Variants in TM9SF3 observed in about 807,000 individuals in gnomAD.
TM9SF3 encodes SM-11044-binding protein.
TM9SF3 carries 14 observed loss-of-function variants against 78.6 expected under a neutral mutation model. The ratio of observed to expected loss-of-function variants is 0.18; its 90% CI spans 0.12 to 0.28. The LOEUF (loss-of-function observed/expected upper bound fraction) is 0.28. Among genes scored for constraint, TM9SF3 ranks in the 10% least tolerant of loss-of-function variants. The pLI, the probability that TM9SF3 is intolerant of heterozygous loss-of-function variation, is 1.00. For synonymous variants in TM9SF3, 231 were observed against 241.7 expected, an observed-to-expected ratio of 0.96 and a Z score of 0.41; for missense variants, 496 against 721.9, an observed-to-expected ratio of 0.69 and a Z score of 3.59.
At chr10:96,553,150 G>T in intron 5 of TM9SF3, 91 bp from the exon 6 acceptor site, 3 of 1,110,668 alleles carry the variant, frequency 2.7e-6, no homozygotes, top group Non-Finnish European at 2.4e-6. Context: ...TTAATGCAAA[G>T]AAAAAAAAAA....
intron 1 of TM9SF3, 30 bp downstream of exon 1, chr10:96,586,704 G>T: frequency 1.6e-6 from 2 of 1,220,208 alleles, no homozygotes; most frequent in South Asian, 3.8e-5. Flanking sequence ...GAGCTAGCCC[G>T]GGGCGGCCGC....
rs1190523838 is a variant in TM9SF3 at position 96,575,570 on chromosome 10, CATT to C, written c.298+1061_298+1063del. Among the ~76,000 whole-genome samples, 2 of 151,988 alleles carry C rather than the reference CATT, an allele frequency of 1.3e-5. 1 individual carries two copies. The highest frequency in any genetic ancestry group is 6.3e-3 in the Middle Eastern group (2 of 316). On this transcript the variant is annotated intron_variant, in intron 2 of 14. Transcript: ENST00000371142. Reference sequence around the variant, plus strand: ...ATTTAACAAATCGAAATTAAAGTAACATTATCTTTAAAATCTCACTGACATTCT... The same window carrying C: ...ATTTAACAAATCGAAATTAAAGTAACATCTTTAAAATCTCACTGACATTCT...
intron 2 of TM9SF3, among the ~76,000 whole-genome samples, chr10:96,575,016 T>C (rs1848480927): frequency 6.6e-6 from 1 of 152,158 alleles, no homozygotes; most frequent in South Asian, 2.1e-4. Flanking sequence ...GGCATGTGTA[T>C]TCCTATGTAT....
At chr10:96,566,740 G>T (rs535163497) in intron 2 of TM9SF3, among the ~76,000 whole-genome samples, 1 of 152,156 alleles carries the variant, frequency 6.6e-6, no homozygotes, top group Admixed American at 6.5e-5. Flanking sequence ...GTGAAGCAAC[G>T]GAGGGTTAAA....
intron 1 of TM9SF3, 81 bp downstream of exon 1, chr10:96,586,653 C>T: frequency 8.8e-7 from 1 of 1,139,298 alleles, no homozygotes. Flanking sequence ...GGCCGCCGGG[C>T]ACTCCAGGCT....
intron 2 of TM9SF3, among the ~76,000 whole-genome samples, chr10:96,574,883 T>C (rs1353242134): frequency 6.6e-6 from 1 of 151,892 alleles, no homozygotes; most frequent in African/African-American, 2.4e-5. Flanking sequence ...TGAGAACACA[T>C]GGACACAGGG....
Position 96,527,392 on chromosome 10 carries a change from TA to T in TM9SF3, c.1625+20del, listed in dbSNP as rs756169433. ...CAAATTTAGTTTCCTAAATAAAAGGTAAAAAAATGTCTCCACTTACTTTGTT... is the reference window on the plus strand; with the variant it reads ...CAAATTTAGTTTCCTAAATAAAAGGTAAAAAATGTCTCCACTTACTTTGTT... On this transcript the variant is annotated intron_variant, in intron 13 of 14. Coordinates refer to ENST00000371142, the MANE Select transcript of TM9SF3 (RefSeq NM_020123.4). 1 of 1,598,304 alleles carries T rather than the reference TA, an allele frequency of 6.3e-7. No individual in the cohort carries two copies. The highest frequency in any genetic ancestry group is 8.5e-7 in the Non-Finnish European group (1 of 1,172,366).
rs776596788 is a variant in TM9SF3 at position 96,586,831 on chromosome 10, C to T, written c.5G>A (p.Arg2Lys). 8 of 1,227,428 alleles carry T rather than the reference C, an allele frequency of 6.5e-6. No homozygotes were observed. The East Asian group carries it at 1.7e-4, about 26-fold the overall frequency. 76.0% of individuals were successfully genotyped at this position (1,227,428 alleles called of 1,614,324 possible). A position where few individuals can be genotyped will look rare whatever the true frequency, so the allele number is the denominator to read the frequency against. Residue 2 changes from arginine to lysine, a missense_variant, in exon 1 of 15, where the codon AGG becomes AAG. By Grantham distance (26) the Arg-to-Lys change is conservative. Coordinates refer to ENST00000371142, the MANE Select transcript of TM9SF3 (RefSeq NM_020123.4). M[R>K]PLPGALGVAA... The stretch of plus-strand genomic sequence containing the variant: ...CACGCCAAGAGCGCCAGGCAGCGGC[C>T]TCATCCTCCGCGCCCCTCCGGCCCG...
chr10:96,573,754 C>T (rs1255322472), intron 2 of TM9SF3, among the ~76,000 whole-genome samples: 1 of 151,940 alleles, frequency 6.6e-6, no homozygotes, highest in Non-Finnish European at 1.5e-5. Flanking sequence ...AGAACAGAGC[C>T]CTCAGAAATA....
chr10:96,572,581 C>T (rs1382986310), intron 2 of TM9SF3, among the ~76,000 whole-genome samples: 1 of 148,068 alleles, frequency 6.8e-6, no homozygotes, highest in Non-Finnish European at 1.5e-5. Flanking sequence ...GGCTGGAGTG[C>T]AATGGCGCAA....
chr10:96,521,033 A>G lies in TM9SF3; in HGVS notation c.*1230T>C, dbSNP rs191813017. 2.0e-3 allele frequency: 777 copies of G among 394,168 alleles called. 6 individuals are homozygous for G. The highest frequency in any genetic ancestry group is 4.6e-4 in the Non-Finnish European group (102 of 222,428). 24.4% of individuals were successfully genotyped at this position (394,168 alleles called of 1,614,324 possible). ...ACATTCTAAAGCAATAATGCTTTAG[A>G]TGTTACTTAAGTGTCCCAGACAGGA... On this transcript the variant is annotated 3_prime_UTR_variant, in exon 15 of 15. Transcript: ENST00000371142.
At chr10:96,523,456 T>C (rs535883743) in intron 14 of TM9SF3, among the ~76,000 whole-genome samples, 4 of 151,832 alleles carry the variant, frequency 2.6e-5, no homozygotes, top group Non-Finnish European at 4.4e-5. Context: ...GAAAGGAAGG[T>C]TATCCTTATG....
rs374950948 is a variant in TM9SF3, at chr10:96,561,213, C to T, written c.582+765G>A. Among the ~76,000 whole-genome samples, 29 of 151,796 alleles carry T rather than the reference C, an allele frequency of 1.9e-4. 1 individual carries two copies. Among genetic ancestry groups the T allele is most frequent in the South Asian group, 1.2e-3 (6 of 4,806 alleles). ...CTCTGACCATGTTCTGAATCACCTT[C>T]GTATCTCCTTAGCTGCTCAATAAAT... On this transcript the variant is annotated intron_variant, in intron 4 of 14. Transcript: ENST00000371142.
In TM9SF3 at chr10:96,552,965, T is replaced by A; in HGVS notation, c.755A>T (p.Tyr252Phe). ...TTCTTCCTCTTTACTGTACCGAGCA[T>A]AATCTTTTCTTAATGTTCTCATTAA... ...MILMRTLRKDYARYSKEEEMD... is the reference protein window; with the variant it reads ...MILMRTLRKDFARYSKEEEMD... The change falls in exon 6 of 15, where the codon TAT becomes TTT. Residue 252 changes from tyrosine to phenylalanine, a missense_variant. By Grantham distance (22) the Tyr-to-Phe change is conservative. Transcript: ENST00000371142. 6.2e-7 allele frequency: 1 copy of A among 1,604,938 alleles called. No individual in the cohort carries two copies. Among genetic ancestry groups the A allele is most frequent in the Non-Finnish European group, 8.5e-7 (1 of 1,177,268 alleles).
At chr10:96,575,741 AAAG>A (rs1333094837) in intron 2 of TM9SF3, among the ~76,000 whole-genome samples, 1 of 151,996 alleles carries the variant, frequency 6.6e-6, no homozygotes, top group African/African-American at 2.4e-5. Context: ...AAAAAAAAAA[AAAG>A]GAGGATTAAA....
chr10:96,525,113 ACT>A (rs1169336702), intron 14 of TM9SF3, among the ~76,000 whole-genome samples: 4 of 152,048 alleles, frequency 2.6e-5, no homozygotes, highest in Non-Finnish European at 4.4e-5. Context: ...AATTTTTTTA[ACT>A]CTCTGCATAA....
chr10:96,556,371 T>C (rs2134146928), intron 5 of TM9SF3, among the ~76,000 whole-genome samples: 1 of 152,348 alleles, frequency 6.6e-6, no homozygotes, highest in East Asian at 1.9e-4. Flanking sequence ...CAAGGTACTA[T>C]AATCCTTGCT....
In TM9SF3 at chr10:96,541,360, T is replaced by C. The variant is rs1035724963; in HGVS notation, c.1185+2716A>G. 2.6e-5 allele frequency among the ~76,000 whole-genome samples: 4 copies of C among 152,078 alleles called. 1 individual carries two copies. Among genetic ancestry groups the C allele is most frequent in the Non-Finnish European group, 5.9e-5 (4 of 67,994 alleles). On this transcript the variant is annotated intron_variant, in intron 9 of 14. Coordinates refer to ENST00000371142, the MANE Select transcript of TM9SF3 (RefSeq NM_020123.4). ...TCCCAAAATAAAAAGTTTTTAGCTT[T>C]CCAGAATCAATCTAATTTTTTTTTT...
rs115428516 is a variant in TM9SF3 at position 96,530,230 on chromosome 10, C to A, written c.1394+310G>T. On this transcript the variant is annotated intron_variant, in intron 11 of 14. Transcript: ENST00000371142. ...AAATATTTTTAAAATACAATAAAAA[C>A]CAGGAATTCCTTAAATCATGCATAT... Among the ~76,000 whole-genome samples the A allele has an allele frequency of 6.3e-3, 960 of 152,254 alleles. 14 individuals carry two copies. Among genetic ancestry groups the A allele is most frequent in the African/African-American group, 0.022 (919 of 41,562 alleles).
Sources: allele counts gnomAD v4.1 joint callset (sites outside exome capture counted in the v4.1 genomes callset), GRCh38; gene constraint gnomAD v4.1.1; transcripts MANE v1.5; gene names NCBI Gene and HGNC (gene_info 2026-07-23, HGNC 2026-07-21).